CDAN1: variants seen among roughly 807,000 people sequenced by gnomAD.
CDAN1 encodes the protein codanin 1, also known as codanin-1.
CDAN1 carries 107 observed loss-of-function variants against 139.8 expected under a neutral mutation model. That is an observed-to-expected ratio of 0.77 (90% CI 0.65 to 0.90). The LOEUF (loss-of-function observed/expected upper bound fraction) is 0.90, where lower values mean the gene tolerates loss of function less well. Ranked by LOEUF, CDAN1 falls within the 40% of genes least tolerant of loss-of-function variation. The pLI is 0.00. For synonymous variants in CDAN1, 776 were observed against 660.6 expected, an observed-to-expected ratio of 1.17 and a Z score of -2.68; for missense variants, 1,667 against 1,575.7, an observed-to-expected ratio of 1.06 and a Z score of -0.98.
rs1416652618 is a variant in CDAN1 at position 42,730,209 on chromosome 15, C to A, written c.2181G>T (p.Leu727Phe). 6.2e-7 allele frequency: 1 copy of A among 1,613,994 alleles called. No homozygotes were observed. The highest frequency in any genetic ancestry group is 8.5e-7 in the Non-Finnish European group (1 of 1,179,872). Residue 727 changes from leucine to phenylalanine, a missense_variant, in exon 15 of 28, where the codon TTG becomes TTT. Leu to Phe is a conservative substitution (Grantham distance 22). Transcript: ENST00000356231. The part of the protein sequence containing the change: ...FTLLLRLHRS[L>F]VLSQESEGKM... Reference sequence around the variant, plus strand: ...TCCCCTCACTCTCCTGCGACAACACCAAGCTCCTGAAACATCAATGGGCAG... The same window carrying A: ...TCCCCTCACTCTCCTGCGACAACACAAAGCTCCTGAAACATCAATGGGCAG...
chr15:42,728,947 T>A (rs892656090), intron 19 of CDAN1, 76 bp downstream of exon 19: 32 of 1,569,762 alleles, frequency 2.0e-5, no homozygotes, highest in Non-Finnish European at 2.8e-5. Flanking sequence ...CTGGCTGACC[T>A]TCTCAGTTTA....
In CDAN1 at chr15:42,735,728, C is replaced by T. The variant is rs543877806; in HGVS notation, c.774-49G>A. 45 of 1,599,810 alleles carry T rather than the reference C, an allele frequency of 2.8e-5. No homozygotes were observed. In the African/African-American group the frequency reaches 5.5e-4, roughly 19 times the overall value. ...AGCAGTCAGCTTGGCTTCCCTGCTA[C>T]GGCCACACTCAGGTCACTCCAGAGA... On this transcript the variant is annotated intron_variant, in intron 3 of 27. Transcript: ENST00000356231.
rs779110523 is a variant in CDAN1, at chr15:42,729,236, C to T, written c.2534G>A (p.Gly845Glu). The change falls in exon 18 of 28, where the codon GGG becomes GAG. Residue 845 changes from glycine (G) to glutamate (E), a missense_variant. By Grantham distance (98) the Gly-to-Glu change is moderately conservative. Coordinates refer to ENST00000356231, the MANE Select transcript of CDAN1 (RefSeq NM_138477.4). ...LGAQPSQTSQ[G>E]LQAQLAQAFF... is the part of the protein sequence containing the mutation. ...TCTCCGCCCTGCCCTTACCTGCAGCCCCTGGCTGGTCTGGGAAGGCTGGGC... is the reference window on the plus strand; with the variant it reads ...TCTCCGCCCTGCCCTTACCTGCAGCTCCTGGCTGGTCTGGGAAGGCTGGGC... 62 of 1,613,842 alleles carry T rather than the reference C, an allele frequency of 3.8e-5. No homozygotes were observed. The highest frequency in any genetic ancestry group is 5.2e-5 in the Non-Finnish European group (61 of 1,179,954).
chr15:42,730,014 G>C (rs966124911), intron 15 of CDAN1, 114 bp downstream of exon 15: 5 of 1,167,786 alleles, frequency 4.3e-6, no homozygotes, highest in South Asian at 3.7e-5. Context: ...GAATCCCCAG[G>C]CCTTTCCTGA....
rs144732096 is a variant in CDAN1, at chr15:42,725,221, G to A, written c.3481C>T (p.Leu1161=). ...CGTCCCATCAGACCCTTCTCCACCA[G>A]CTCCCGTAGCAAGAATAGCAGCAAG... is the stretch of plus-strand genomic sequence containing the variant. ...WDLLLFLLRE[L]VEKGLMGRME... Residue 1161 remains leucine, a synonymous_variant, in exon 27 of 28, where the codon CTG becomes TTG. Transcript: ENST00000356231. The A allele has an allele frequency of 1.2e-6, 2 of 1,614,210 alleles. No homozygotes were observed. Among genetic ancestry groups the A allele is most frequent in the Non-Finnish European group, 1.7e-6 (2 of 1,180,032 alleles).
intron 1 of CDAN1, 41 bp from the exon 2 acceptor site, chr15:42,736,821 G>C: frequency 6.8e-7 from 1 of 1,480,702 alleles, no homozygotes; most frequent in Non-Finnish European, 8.9e-7. Context: ...AGGGTCAGCC[G>C]CCGGCCCGCG....
chr15:42,730,089 G>T, intron 15 of CDAN1, 39 bp downstream of exon 15: 1 of 1,576,802 alleles, frequency 6.3e-7, no homozygotes, highest in South Asian at 1.1e-5. Context: ...ATCTTCAGCT[G>T]TAGAACCTCT....
At chr15:42,729,962 G>T in intron 15 of CDAN1, 77 bp from the exon 16 acceptor site, 1 of 1,179,478 alleles carries the variant, frequency 8.5e-7, no homozygotes, top group Non-Finnish European at 1.2e-6. Flanking sequence ...CGGTCCCAGG[G>T]TGTAGGCGCC....
In CDAN1 at chr15:42,725,237, T is replaced by C. The variant is rs764112423; in HGVS notation, c.3465A>G (p.Leu1155=). The C allele has an allele frequency of 4.3e-6, 7 of 1,614,154 alleles. No individual in the cohort carries two copies. Among genetic ancestry groups the C allele is most frequent in the Non-Finnish European group, 8.5e-7 (1 of 1,179,974 alleles). ...TCTCCACCAGCTCCCGTAGCAAGAA[T>C]AGCAGCAAGTCCCACTGCAAAACAC... is the stretch of plus-strand genomic sequence containing the variant. ...DTRPREWDLL[L]FLLRELVEKG... Residue 1155 remains leucine, a synonymous_variant, in exon 27 of 28, where the codon CTA becomes CTG. Coordinates refer to ENST00000356231, the MANE Select transcript of CDAN1 (RefSeq NM_138477.4).
chr15:42,735,650 G>A lies in CDAN1; in HGVS notation c.803C>T (p.Pro268Leu). 6.2e-7 allele frequency: 1 copy of A among 1,614,098 alleles called. No individual in the cohort carries two copies. Among genetic ancestry groups the A allele is most frequent in the Non-Finnish European group, 8.5e-7 (1 of 1,180,016 alleles). Reference protein sequence around the residue: ...RSKQLQQSPTPTCPTPELGSP... With the variant: ...RSKQLQQSPTLTCPTPELGSP... The stretch of plus-strand genomic sequence containing the variant: ...CCCCAATTCTGGGGTGGGACAGGTG[G>A]GGGTAGGTGACTGCTGCAGCTGCTT... The change falls in exon 4 of 28, where the codon CCC becomes CTC. Residue 268 changes from proline to leucine, a missense_variant. By Grantham distance (98) the Pro-to-Leu change is moderately conservative. Transcript: ENST00000356231.
At chr15:42,726,727 C>G (rs1306162984) in intron 23 of CDAN1, 2 of 448,658 alleles carry the variant, frequency 4.5e-6, no homozygotes, top group Non-Finnish European at 8.1e-6. Flanking sequence ...GCATCTTATT[C>G]TTGAAGCATG....
At position 42,736,568 on chromosome 15, in the gene CDAN1, G is replaced by C. The variant is rs1650943409; in HGVS notation, c.303C>G (p.Phe101Leu). Residue 101 changes from phenylalanine to leucine, a missense_variant, in exon 2 of 28, where the codon TTC (phenylalanine) becomes TTG (leucine). Around this residue, in one of 3 missense-constraint regions of CDAN1, gnomAD observed 487 missense variants for 422.2 expected, o/e 1.15. Transcript: ENST00000356231. ...CGGTGCTCTGGGCCTCGGTCGGAGG[G>C]AAAAGCTGGCTGCGCGCCCCGCGGC... The part of the protein sequence containing the change: ...RGSRGARSQL[F>L]PPTEAQSTAA... The C allele has an allele frequency of 4.7e-6, 7 of 1,488,190 alleles. No homozygotes were observed. The highest frequency in any genetic ancestry group is 6.2e-6 in the Non-Finnish European group (7 of 1,121,380). The allele number at this position is 1,488,190 out of a possible 1,614,324, so 92.2% of individuals were successfully genotyped here. A position where few individuals can be genotyped will look rare whatever the true frequency, so the allele number is the denominator to read the frequency against.
chr15:42,725,263 A>G lies in CDAN1; in HGVS notation c.3451-12T>C. On this transcript the variant is annotated splice_polypyrimidine_tract_variant and intron_variant, in intron 26 of 27. Coordinates refer to ENST00000356231, the MANE Select transcript of CDAN1 (RefSeq NM_138477.4). Reference sequence around the variant, plus strand: ...AGCAGCAAGTCCCACTGCAAAACACACCGAGGTCAGGGTTGCTAGGAGGAC... The same window carrying G: ...AGCAGCAAGTCCCACTGCAAAACACGCCGAGGTCAGGGTTGCTAGGAGGAC... 1.2e-6 allele frequency: 2 copies of G among 1,612,348 alleles called. No individual in the cohort carries two copies. Among genetic ancestry groups the G allele is most frequent in the Non-Finnish European group, 1.7e-6 (2 of 1,178,390 alleles).
At chr15:42,733,018 C>G (rs2061636038) in intron 9 of CDAN1, 79 bp downstream of exon 9, 4 of 1,243,912 alleles carry the variant, frequency 3.2e-6, no homozygotes, top group Non-Finnish European at 4.7e-6. Context: ...AAAACCTTCC[C>G]TCCTCCTCCC....
Position 42,730,184 on chromosome 15 carries a change from TC to T in CDAN1, c.2205del (p.Lys736ArgfsTer5), listed in dbSNP as rs1250398020. On this transcript the variant is annotated frameshift_variant, in exon 15 of 28. Transcript: ENST00000356231. LOFTEE classifies it high-confidence loss of function. ...AGCAGCTTGTTCAGGAAACACATCT[TC>T]CCCTCACTCTCCTGCGACAACACCA... ...RSLVLSQESE[G>X]KMCFLNKLLL... 6.2e-7 allele frequency: 1 copy of T among 1,613,988 alleles called. No homozygotes were observed. Among genetic ancestry groups the T allele is most frequent in the South Asian group, 1.1e-5 (1 of 91,066 alleles).
chr15:42,735,462 A>C, intron 4 of CDAN1, 48 bp downstream of exon 4: 1 of 1,609,594 alleles, frequency 6.2e-7, no homozygotes, highest in Non-Finnish European at 8.5e-7. Flanking sequence ...TCTCTTACCC[A>C]TAAGTTCTAC....
chr15:42,730,726 T>TC lies in CDAN1; in HGVS notation c.2045dup (p.Gly683ArgfsTer22). 1.9e-6 allele frequency: 3 copies of TC among 1,612,764 alleles called. No individual in the cohort carries two copies. The highest frequency in any genetic ancestry group is 2.5e-6 in the Non-Finnish European group (3 of 1,179,400). On this transcript the variant is annotated frameshift_variant, in exon 14 of 28. Coordinates refer to ENST00000356231, the MANE Select transcript of CDAN1 (RefSeq NM_138477.4). LOFTEE classifies it high-confidence loss of function. Reference sequence around the variant, plus strand: ...GCACCGCCCGGCGGGCCTGCAGCCCTCGCTGCAGCAGAGTCCGCACATCCA... The same window carrying TC: ...GCACCGCCCGGCGGGCCTGCAGCCCTCCGCTGCAGCAGAGTCCGCACATCCA...
chr15:42,736,498 G>C lies in CDAN1; in HGVS notation c.373C>G (p.Pro125Ala), dbSNP rs1281069533. 1 of 1,420,844 alleles carries C rather than the reference G, an allele frequency of 7.0e-7. No individual in the cohort carries two copies. The highest frequency in any genetic ancestry group is 2.9e-5 in the East Asian group (1 of 34,664). 88.0% of individuals were successfully genotyped at this position (1,420,844 alleles called of 1,614,324 possible). A position where few individuals can be genotyped will look rare whatever the true frequency, so the allele number is the denominator to read the frequency against. Residue 125 changes from proline (P) to alanine (A), a missense_variant, in exon 2 of 28, where the codon CCG becomes GCG. Pro to Ala is a conservative substitution (Grantham distance 27, BLOSUM62 -1). This residue lies in a region of CDAN1 where 487 missense variants were observed against 422.2 expected (regional missense o/e 1.15). Transcript: ENST00000356231. ...CCTCCACGCTCGCGGGCCGGCCCCG[G>C]GCCCCGCCTCCTGCCCCCGCGGCGG... is the stretch of plus-strand genomic sequence containing the variant. ...LARRGGRRRG[P>A]GPARERGGRG...
At position 42,730,638 on chromosome 15, in the gene CDAN1, AT is replaced by A. The variant is rs770026642; in HGVS notation, c.2133del (p.Glu711AspfsTer30). ...SFADHVVPLL[E>X]YYRDIFTLLL... ...AGGAGAGTGAAGATGTCCCGGTAAT[AT>A]TCCAGCAAGGGAACAACATGGTCAG... On this transcript the variant is annotated frameshift_variant, in exon 14 of 28. Transcript: ENST00000356231. LOFTEE classifies it high-confidence loss of function. 2 of 1,614,174 alleles carry A rather than the reference AT, an allele frequency of 1.2e-6. No individual in the cohort carries two copies. The highest frequency in any genetic ancestry group is 1.7e-6 in the Non-Finnish European group (2 of 1,180,024).
Sources: allele counts gnomAD v4.1 joint callset, GRCh38; gene constraint gnomAD v4.1.1; regional missense constraint gnomAD v4.1.1; transcripts MANE v1.5; gene names NCBI Gene and HGNC (gene_info 2026-07-23, HGNC 2026-07-21).